Variants in OSTN observed in about 807,000 individuals in gnomAD.
OSTN encodes osteocrin.
OSTN carries 9 observed loss-of-function variants against 12.0 expected under a neutral mutation model. The observed-to-expected ratio is 0.75, with a 90% CI of 0.45 to 1.30. OSTN has a LOEUF of 1.30. Among genes scored for constraint, OSTN ranks in the 50% most tolerant of loss-of-function variants. OSTN has a pLI of 0.00. For missense variants in OSTN, 148 were observed against 152.3 expected, an observed-to-expected ratio of 0.97 and a Z score of 0.15; for synonymous variants, 59 against 56.9, an observed-to-expected ratio of 1.04 and a Z score of -0.16.
intron 3 of OSTN, among the ~76,000 whole-genome samples, chr3:191,244,395 G>A (rs563449306): frequency 1.3e-4 from 20 of 151,554 alleles, no homozygotes; most frequent in African/African-American, 4.1e-4. Context: ...AATGGAAAAC[G>A]TGGGTTGTTT....
Position 191,218,836 on chromosome 3 carries a change from T to C in OSTN, c.192T>C (p.Leu64=). 1 of 1,614,060 alleles carries C rather than the reference T, an allele frequency of 6.2e-7. No individual in the cohort carries two copies. Among genetic ancestry groups the C allele is most frequent in the Non-Finnish European group, 8.5e-7 (1 of 1,179,996 alleles). ...SATDLTAKLL[L]LDELVSLEND... is the part of the protein sequence containing the mutation. ...CTGACCTGACAGCAAAACTCTTGCT[T>C]CTTGATGAATTGGTGTCCCTAGAAA... is the stretch of plus-strand genomic sequence containing the variant. The change falls in exon 3 of 5, where the codon CTT becomes CTC. Residue 64 remains leucine, a synonymous_variant. Coordinates refer to ENST00000682035, the MANE Select transcript of OSTN (RefSeq NM_198184.2).
At chr3:191,204,826 G>T (rs1318872736) in intron 1 of OSTN, among the ~76,000 whole-genome samples, 1 of 152,106 alleles carries the variant, frequency 6.6e-6, no homozygotes, top group Admixed American at 6.5e-5. Context: ...CCTATGAATG[G>T]CTGTAAGTTC....
rs143237997 is a variant in OSTN, at chr3:191,233,247, C to G, written c.317+14286C>G. ...ATATTAACTTGAAATAAAGAACCAC[C>G]TGTTGTTTCCTATTTTGTATTGCTT... On this transcript the variant is annotated intron_variant, in intron 3 of 4. Transcript: ENST00000682035. Among the ~76,000 whole-genome samples, 982 of 152,200 alleles carry G rather than the reference C, an allele frequency of 6.5e-3. 4 individuals are homozygous for G. Among genetic ancestry groups the G allele is most frequent in the Non-Finnish European group, 0.011 (737 of 68,016 alleles).
intron 1 of OSTN, among the ~76,000 whole-genome samples, chr3:191,207,443 T>A (rs185459459): frequency 1.3e-3 from 195 of 152,310 alleles, no homozygotes; most frequent in African/African-American, 4.6e-3. Flanking sequence ...AAAAGTCTTA[T>A]TGATTAATAG....
chr3:191,222,242 G>C (rs1168244986), intron 3 of OSTN, among the ~76,000 whole-genome samples: 1 of 152,212 alleles, frequency 6.6e-6, no homozygotes, highest in Non-Finnish European at 1.5e-5. Flanking sequence ...GTTGTGAAAA[G>C]AGGGCCACCA....
chr3:191,245,162 T>C (rs566277855), intron 3 of OSTN, among the ~76,000 whole-genome samples: 6 of 152,344 alleles, frequency 3.9e-5, no homozygotes, highest in African/African-American at 1.4e-4. Context: ...AAAATTAGTA[T>C]CAGTTGAAAT....
chr3:191,222,426 C>T (rs1442325128), intron 3 of OSTN, among the ~76,000 whole-genome samples: 11 of 152,238 alleles, frequency 7.2e-5, no homozygotes, highest in Admixed American at 7.2e-4. Flanking sequence ...TTCAGACTTG[C>T]ATGGGGCCTG....
intron 1 of OSTN, among the ~76,000 whole-genome samples, chr3:191,211,579 A>G (rs6810355): frequency 0.37 from 56,896 of 152,070 alleles, 12,477 homozygotes; most frequent in African/African-American, 0.6. Flanking sequence ...TTTGTAAAGC[A>G]TCCAATTTTC....
Position 191,264,048 on chromosome 3 carries a change from C to CTG in OSTN, c.*1197_*1198dup, listed in dbSNP as rs773850652. On this transcript the variant is annotated 3_prime_UTR_variant, in exon 5 of 5. Transcript: ENST00000682035. ...CTTCCTCTGTAAACCCTAAAAATCA[C>CTG]TGTCTGATACGTGGGAGGAAAAAAG... 5 of 152,092 alleles carry CTG rather than the reference C, an allele frequency of 3.3e-5. No individual in the cohort carries two copies. The highest frequency in any genetic ancestry group is 5.9e-5 in the Non-Finnish European group (4 of 67,968). 9.4% of individuals were successfully genotyped at this position (152,092 alleles called of 1,614,324 possible).
At chr3:191,211,286 C>G (rs1714410976) in intron 1 of OSTN, among the ~76,000 whole-genome samples, 1 of 152,000 alleles carries the variant, frequency 6.6e-6, no homozygotes, top group Admixed American at 6.6e-5. Context: ...TTTTTGAAAT[C>G]CATGCATACA....
At chr3:191,262,030 A>C (rs2108558760) in intron 4 of OSTN, among the ~76,000 whole-genome samples, 1 of 152,280 alleles carries the variant, frequency 6.6e-6, no homozygotes, top group Non-Finnish European at 1.5e-5. Context: ...CCGCCCGGCG[A>C]ACATGGTGAA....
chr3:191,242,203 CTTTTT>C (rs1386716532), intron 3 of OSTN, among the ~76,000 whole-genome samples: 1 of 152,076 alleles, frequency 6.6e-6, no homozygotes, highest in Non-Finnish European at 1.5e-5. Context: ...TAGAAGGAAA[CTTTTT>C]TTAACCAAGT....
intron 3 of OSTN, 97 bp from the exon 4 acceptor site, chr3:191,249,940 C>G: frequency 1.1e-6 from 1 of 879,516 alleles, no homozygotes; most frequent in Non-Finnish European, 1.9e-6. Context: ...ATTCCAACTC[C>G]CAAAGAAAGC....
chr3:191,247,988 C>A (rs575482340), intron 3 of OSTN, among the ~76,000 whole-genome samples: 39 of 152,130 alleles, frequency 2.6e-4, no homozygotes, highest in Middle Eastern at 3.4e-3. Context: ...AACACGCCAC[C>A]ATGCCCTGCT....
At chr3:191,247,864 C>T (rs11923000) in intron 3 of OSTN, among the ~76,000 whole-genome samples, 32,416 of 152,072 alleles carry the variant, frequency 0.21, 8,036 homozygotes, top group African/African-American at 0.61. Context: ...ATCAGAGTCT[C>T]GCGTTGTCGC....
At chr3:191,216,774 C>T (rs1263846741) in intron 2 of OSTN, among the ~76,000 whole-genome samples, 1 of 152,192 alleles carries the variant, frequency 6.6e-6, no homozygotes, top group African/African-American at 2.4e-5. Flanking sequence ...CTGAGATCAC[C>T]TCAGCCTGGA....
At chr3:191,235,593 T>C (rs1460150024) in intron 3 of OSTN, among the ~76,000 whole-genome samples, 1 of 152,182 alleles carries the variant, frequency 6.6e-6, no homozygotes, top group Non-Finnish European at 1.5e-5. Flanking sequence ...AATAGTAACA[T>C]AGGCGTCCTT....
chr3:191,209,907 C>T (rs553307848), intron 1 of OSTN, among the ~76,000 whole-genome samples: 1 of 152,312 alleles, frequency 6.6e-6, no homozygotes, highest in East Asian at 1.9e-4. Context: ...TGCACAACTG[C>T]AATCAACCAC....
At chr3:191,244,520 A>G (rs916716768) in intron 3 of OSTN, among the ~76,000 whole-genome samples, 1 of 150,356 alleles carries the variant, frequency 6.7e-6, no homozygotes, top group Admixed American at 6.6e-5. Context: ...TCTATCTAAC[A>G]TTAATTTTTC....
Sources: gnomAD v4.1 joint callset for allele counts (sites outside exome capture counted in the v4.1 genomes callset) on GRCh38, gnomAD v4.1.1 for gene constraint, MANE v1.5 for transcripts, NCBI Gene and HGNC (gene_info 2026-07-23, HGNC 2026-07-21) for gene names.